The following FOXK1 variants were observed in gnomAD, a reference collection of about 807,000 sequenced individuals.
FOXK1 encodes the protein forkhead box protein K1.
In FOXK1, 19 loss-of-function variants were observed where a neutral mutation model predicts 51.9. The observed-to-expected ratio is 0.37, with a 90% CI of 0.26 to 0.54. FOXK1 has a LOEUF of 0.54. FOXK1 is among the 20% of genes least tolerant of loss of function. The probability of loss-of-function intolerance (pLI) is 0.87; values close to 1 mark genes in which losing one functional copy is unlikely to be tolerated. For synonymous variants in FOXK1, 537 were observed against 482.6 expected (o/e 1.11, Z -1.48); for missense variants, 870 against 1,032.7 (o/e 0.84, Z 2.16).
chr7:4,721,190 G>T lies in FOXK1; in HGVS notation c.561-19648G>T, dbSNP rs187067434. On this transcript the variant is annotated intron_variant, in intron 1 of 8. Transcript: ENST00000328914. ...AGGAGGTTCTCCGTTCAGTCTGCAC[G>T]CTTGGCTCAATGCAGCAGCTCAGAC... Among the ~76,000 whole-genome samples, 464 of 152,276 alleles carry T rather than the reference G, an allele frequency of 3.0e-3. 2 individuals carry two copies. Among genetic ancestry groups the T allele is most frequent in the African/African-American group, 0.011 (444 of 41,558 alleles).
intron 1 of FOXK1, among the ~76,000 whole-genome samples, chr7:4,736,419 T>TG (rs1780553024): frequency 6.6e-6 from 1 of 151,792 alleles, no homozygotes; most frequent in Admixed American, 6.6e-5. Flanking sequence ...GTTTTGTTTT[T>TG]TTTTTTTTTT....
rs1780969378 is a variant in FOXK1, at chr7:4,763,718, G to C, written c.*1254G>C. Reference sequence around the variant, plus strand: ...AAGCCCCCTCCTGCACTTCCATTAAGACAGCCAGTGGTTCCTGGATCTTTG... The same window carrying C: ...AAGCCCCCTCCTGCACTTCCATTAACACAGCCAGTGGTTCCTGGATCTTTG... On this transcript the variant is annotated 3_prime_UTR_variant, in exon 9 of 9. Coordinates refer to ENST00000328914, the MANE Select transcript of FOXK1 (RefSeq NM_001037165.2). 1 of 152,308 alleles carries C rather than the reference G, an allele frequency of 6.6e-6. No individual in the cohort carries two copies. The highest frequency in any genetic ancestry group is 2.4e-5 in the African/African-American group (1 of 41,470). The allele number at this position is 152,308 out of a possible 1,614,324, so 9.4% of individuals were successfully genotyped here.
rs1465638233 is a variant in FOXK1 at position 4,769,122 on chromosome 7, A to G, written c.*6658A>G. 6 of 152,220 alleles carry G rather than the reference A, an allele frequency of 3.9e-5. No homozygotes were observed. The highest frequency in any genetic ancestry group is 7.3e-5 in the Non-Finnish European group (5 of 68,046). The allele number at this position is 152,220 out of a possible 1,614,324, so 9.4% of individuals were successfully genotyped here. On this transcript the variant is annotated 3_prime_UTR_variant, in exon 9 of 9. Transcript: ENST00000328914. The surrounding 1 kb of genome is among the most constrained non-coding windows in gnomAD (Gnocchi z 4.1). ...TATCAGAGAATATCACTAAGAGGGC[A>G]GTCAGTTTATTTTTAGGCATCTTTC...
chr7:4,740,732 A>G, intron 1 of FOXK1, 106 bp from the exon 2 acceptor site: 1 of 1,148,160 alleles, frequency 8.7e-7, no homozygotes. Context: ...CAGGTTTGAG[A>G]GTTACGGTCC....
At chr7:4,686,888 A>AT (rs1491325419) in intron 1 of FOXK1, among the ~76,000 whole-genome samples, 1 of 150,210 alleles carries the variant, frequency 6.7e-6, no homozygotes, top group Non-Finnish European at 1.5e-5. Context: ...GTGTGTGCAC[A>AT]TGTGTGTGTG....
intron 1 of FOXK1, among the ~76,000 whole-genome samples, chr7:4,725,937 C>G (rs192578986): frequency 6.6e-6 from 1 of 151,872 alleles, no homozygotes. Context: ...GAGCTGAGCT[C>G]GGCTGCAGTG....
chr7:4,733,595 G>A lies in FOXK1; in HGVS notation c.561-7243G>A, dbSNP rs1258983353. ...AGAGAAACATGGTCTTCAGTTGGGT[G>A]GACGTTTCTCTGTCTCCATGTTTGC... On this transcript the variant is annotated intron_variant, in intron 1 of 8. Transcript: ENST00000328914. This position sits in a 1 kb window ranked among gnomAD's most constrained non-coding sequence, Gnocchi z 5.0. 6.6e-6 allele frequency among the ~76,000 whole-genome samples: 1 copy of A among 152,220 alleles called. No homozygotes were observed. Among genetic ancestry groups the A allele is most frequent in the Non-Finnish European group, 1.5e-5 (1 of 68,034 alleles).
chr7:4,714,999 C>T lies in FOXK1; in HGVS notation c.561-25839C>T, dbSNP rs191212576. Among the ~76,000 whole-genome samples, 929 of 152,198 alleles carry T rather than the reference C, an allele frequency of 6.1e-3. 3 individuals carry two copies. The highest frequency in any genetic ancestry group is 0.014 in the Middle Eastern group (4 of 294). ...GTGGTTCTGCATCTTTTTCTTGGTA[C>T]AGAACAGAAGCCACACACCAGCGAC... On this transcript the variant is annotated intron_variant, in intron 1 of 8. Transcript: ENST00000328914.
intron 1 of FOXK1, among the ~76,000 whole-genome samples, chr7:4,717,860 C>T (rs935950116): frequency 3.3e-5 from 5 of 152,152 alleles, no homozygotes; most frequent in South Asian, 4.1e-4. Flanking sequence ...GTGTGTTGCC[C>T]GCGTCTTTGG....
At chr7:4,684,046 G>C (rs9791648) in intron 1 of FOXK1, among the ~76,000 whole-genome samples, 151,549 of 152,280 alleles carry the variant, frequency 1, 75,414 homozygotes, top group Middle Eastern at 1. Context: ...CGGTGCCTTT[G>C]GTAGCATCCC....
chr7:4,749,861 C>T lies in FOXK1; in HGVS notation c.747-4598C>T, dbSNP rs62453204. ...CTGTTGTTGGATTTGCCTTTCTCAG[C>T]GTGACTTCTCATCATAACGTGACCC... On this transcript the variant is annotated intron_variant, in intron 2 of 8. Transcript: ENST00000328914. The surrounding 1 kb of genome is among the most constrained non-coding windows in gnomAD (Gnocchi z 6.0). 4.7e-3 allele frequency among the ~76,000 whole-genome samples: 713 copies of T among 152,326 alleles called. 2 individuals are homozygous for T. Among genetic ancestry groups the T allele is most frequent in the Non-Finnish European group, 7.6e-3 (519 of 68,014 alleles).
Position 4,703,410 on chromosome 7 carries a change from C to T in FOXK1, c.560+20542C>T, listed in dbSNP as rs1431033857. On this transcript the variant is annotated intron_variant, in intron 1 of 8. Coordinates refer to ENST00000328914, the MANE Select transcript of FOXK1 (RefSeq NM_001037165.2). The surrounding 1 kb of genome is among the most constrained non-coding windows in gnomAD (Gnocchi z 5.6). ...CTCGCTGAAGTTCGTGGCCCCAAGA[C>T]ATGCGGAGAACCCGCGTCTGCAGGG... 1.3e-5 allele frequency among the ~76,000 whole-genome samples: 2 copies of T among 152,192 alleles called. No individual in the cohort carries two copies. Among genetic ancestry groups the T allele is most frequent in the Admixed American group, 6.5e-5 (1 of 15,278 alleles).
chr7:4,686,586 A>C (rs1281921472), intron 1 of FOXK1, among the ~76,000 whole-genome samples: 2 of 152,022 alleles, frequency 1.3e-5, no homozygotes, highest in Non-Finnish European at 2.9e-5. Context: ...ACTTGGAGGA[A>C]CTGCCCGGGT....
In FOXK1 at chr7:4,747,332, G is replaced by T. The variant is rs1780716997; in HGVS notation, c.746+6309G>T. ...AGACACGGAGCTGACCCCGGAACCT[G>T]CCTAGCTGCGGGGCCGCCTCTCCGC... On this transcript the variant is annotated intron_variant, in intron 2 of 8. Transcript: ENST00000328914. The surrounding 1 kb of genome is among the most constrained non-coding windows in gnomAD (Gnocchi z 9.2). Among the ~76,000 whole-genome samples, 1 of 152,164 alleles carries T rather than the reference G, an allele frequency of 6.6e-6. No homozygotes were observed. Among genetic ancestry groups the T allele is most frequent in the Admixed American group, 6.5e-5 (1 of 15,282 alleles).
chr7:4,721,149 T>G (rs1191099813), intron 1 of FOXK1, among the ~76,000 whole-genome samples: 1 of 152,220 alleles, frequency 6.6e-6, no homozygotes, highest in Non-Finnish European at 1.5e-5. Context: ...CCTCCCTCTG[T>G]GCATCAGGGC....
Position 4,756,698 on chromosome 7 carries a change from G to T in FOXK1, c.1051-296G>T, listed in dbSNP as rs139454661. On this transcript the variant is annotated intron_variant, in intron 4 of 8. Coordinates refer to ENST00000328914, the MANE Select transcript of FOXK1 (RefSeq NM_001037165.2). The surrounding 1 kb of genome is among the most constrained non-coding windows in gnomAD (Gnocchi z 4.1). Reference sequence around the variant, plus strand: ...GAGAATCCCTTGAACCCGGGAGGCGGAACTTGCAGTGAGCCGAGATCGTGC... The same window carrying T: ...GAGAATCCCTTGAACCCGGGAGGCGTAACTTGCAGTGAGCCGAGATCGTGC... Among the ~76,000 whole-genome samples the T allele has an allele frequency of 3.3e-3, 502 of 151,720 alleles. 2 individuals are homozygous for T. Among genetic ancestry groups the T allele is most frequent in the Non-Finnish European group, 5.4e-3 (370 of 67,960 alleles).
rs934923099 is a variant in FOXK1, at chr7:4,730,065, C to G, written c.561-10773C>G. On this transcript the variant is annotated intron_variant, in intron 1 of 8. Coordinates refer to ENST00000328914, the MANE Select transcript of FOXK1 (RefSeq NM_001037165.2). This position sits in a 1 kb window ranked among gnomAD's most constrained non-coding sequence, Gnocchi z 4.7. ...AGACCGTTGTCTGCGTTTTTCACCG[C>G]GTGTCACCGACTCAGCATATGGGCT... Among the ~76,000 whole-genome samples the G allele has an allele frequency of 6.6e-6, 1 of 152,202 alleles. No individual in the cohort carries two copies. The highest frequency in any genetic ancestry group is 2.1e-4 in the South Asian group (1 of 4,830).
rs1369855899 is a variant in FOXK1, at chr7:4,759,076, C to T, written c.1270C>T (p.Pro424Ser). The change falls in exon 6 of 9, where the codon CCC (proline) becomes TCC (serine). Residue 424 changes from proline (P) to serine (S), a missense_variant. By Grantham distance (74) the Pro-to-Ser change is moderately conservative (BLOSUM62 -1). Transcript: ENST00000328914. Reference protein sequence around the residue: ...SRSAPASPTHPGLMSPRSGGL... With the variant: ...SRSAPASPTHSGLMSPRSGGL... ...GAGCGCTCCAGCTTCGCCCACACAC[C>T]CCGGGCTGATGTCCCCTCGCTCCGG... is the stretch of plus-strand genomic sequence containing the variant. 6.2e-7 allele frequency: 1 copy of T among 1,607,266 alleles called. No individual in the cohort carries two copies. Among genetic ancestry groups the T allele is most frequent in the Admixed American group, 1.7e-5 (1 of 59,756 alleles).
Position 4,721,976 on chromosome 7 carries a change from G to T in FOXK1, c.561-18862G>T, listed in dbSNP as rs530412006. Among the ~76,000 whole-genome samples, 34 of 152,340 alleles carry T rather than the reference G, an allele frequency of 2.2e-4. No homozygotes were observed. In the South Asian group the frequency reaches 4.6e-3, roughly 20 times the overall value. Reference sequence around the variant, plus strand: ...ATCCCTTTCTCGTGCAGGAGTAACGGGGACGCGCACAGCCGTGTTACTTTC... The same window carrying T: ...ATCCCTTTCTCGTGCAGGAGTAACGTGGACGCGCACAGCCGTGTTACTTTC... On this transcript the variant is annotated intron_variant, in intron 1 of 8. Coordinates refer to ENST00000328914, the MANE Select transcript of FOXK1 (RefSeq NM_001037165.2).
Sources: allele counts gnomAD v4.1 joint callset (sites outside exome capture counted in the v4.1 genomes callset), GRCh38; gene constraint gnomAD v4.1.1; non-coding constraint Gnocchi (gnomAD v3.1); transcripts MANE v1.5; gene names NCBI Gene and HGNC (gene_info 2026-07-23, HGNC 2026-07-21).